Variants in GORAB observed in about 807,000 individuals in gnomAD.
GORAB encodes RAB6-interacting golgin.
GORAB carries 17 observed loss-of-function variants against 29.9 expected under a neutral mutation model. The observed-to-expected ratio is 0.57, with a 90% CI of 0.39 to 0.85. The LOEUF is 0.85. Among genes scored for constraint, GORAB ranks in the 40% least tolerant of loss-of-function variants. GORAB has a pLI of 0.00. For synonymous variants in GORAB, 183 were observed against 157.2 expected (o/e 1.16, Z -1.23); for missense variants, 442 against 437.8 (o/e 1.01, Z -0.09).
At chr1:170,537,171 A>G (rs1289663124) in intron 1 of GORAB, among the ~76,000 whole-genome samples, 3 of 146,934 alleles carry the variant, frequency 2.0e-5, no homozygotes, top group Non-Finnish European at 4.5e-5. Context: ...CTTTTATCCA[A>G]TCTTTACATT....
In GORAB at chr1:170,544,825, C is replaced by T. The variant is rs745905750; in HGVS notation, c.642C>T (p.Ser214=). 1.2e-6 allele frequency: 2 copies of T among 1,613,236 alleles called. No homozygotes were observed. The highest frequency in any genetic ancestry group is 2.2e-5 in the East Asian group (1 of 44,864). The change falls in exon 4 of 5, where the codon AGC becomes AGT. Residue 214 remains serine, a synonymous_variant. Coordinates refer to ENST00000367763, the MANE Select transcript of GORAB (RefSeq NM_152281.3). ...GILRNRIDQA[S]LDYSYARKRF... ...TCAGGAACCGGATTGATCAGGCCAG[C>T]TTAGACTATTCATACGCTCGGTGAG...
chr1:170,553,257 G>A lies in GORAB; in HGVS notation c.*795G>A. ...TACTTGTGATTATCAAAAAAAGTATGTATTTTCTTTCTAAAGTTATCTATA... is the reference window on the plus strand; with the variant it reads ...TACTTGTGATTATCAAAAAAAGTATATATTTTCTTTCTAAAGTTATCTATA... On this transcript the variant is annotated 3_prime_UTR_variant, in exon 5 of 5. Transcript: ENST00000367763. The A allele has an allele frequency of 4.5e-6, 2 of 447,260 alleles. No homozygotes were observed. The highest frequency in any genetic ancestry group is 8.9e-6 in the Non-Finnish European group (2 of 224,722). 27.7% of individuals were successfully genotyped at this position (447,260 alleles called of 1,614,324 possible).
At chr1:170,551,983 T>C in intron 4 of GORAB, 32 bp from the exon 5 acceptor site, 2 of 1,582,900 alleles carry the variant, frequency 1.3e-6, no homozygotes, top group Non-Finnish European at 1.7e-6. Context: ...AATGGAAAAC[T>C]GATGGACCTA....
chr1:170,543,469 G>C (rs1649565738), intron 3 of GORAB, among the ~76,000 whole-genome samples: 1 of 152,136 alleles, frequency 6.6e-6, no homozygotes, highest in African/African-American at 2.4e-5. Flanking sequence ...GAGTAGTTCA[G>C]AATTTTGTCT....
intron 1 of GORAB, among the ~76,000 whole-genome samples, chr1:170,538,783 C>G (rs1371210744): frequency 6.6e-6 from 1 of 152,148 alleles, no homozygotes; most frequent in African/African-American, 2.4e-5. Context: ...AGAGGGTAAT[C>G]CCATTTGAAA....
At chr1:170,532,351 T>C (rs1456437439) in intron 1 of GORAB, 67 bp downstream of exon 1, 1 of 1,557,402 alleles carries the variant, frequency 6.4e-7, no homozygotes, top group African/African-American at 1.4e-5. Flanking sequence ...GATGCAGCTT[T>C]GGCGGGGAAA....
rs767686838 is a variant in GORAB, at chr1:170,539,430, C to G, written c.282C>G (p.Pro94=). 95 of 1,613,974 alleles carry G rather than the reference C, an allele frequency of 5.9e-5. 1 individual carries two copies. In the Admixed American group the frequency reaches 1.5e-3, roughly 26 times the overall value. The change falls in exon 2 of 5, where the codon CCC becomes CCG. Residue 94 remains proline (P), a synonymous_variant. Coordinates refer to ENST00000367763, the MANE Select transcript of GORAB (RefSeq NM_152281.3). ...CGAGTCATTTCACTCTCACCTCCCCCGTTGGTGATGGACAACCACAGGGCA... is the reference window on the plus strand; with the variant it reads ...CGAGTCATTTCACTCTCACCTCCCCGGTTGGTGATGGACAACCACAGGGCA... The part of the protein sequence containing the change: ...TLPSHFTLTS[P]VGDGQPQGIE...
intron 4 of GORAB, among the ~76,000 whole-genome samples, chr1:170,548,874 CTG>C (rs1375638960): frequency 6.6e-6 from 1 of 152,046 alleles, no homozygotes; most frequent in Non-Finnish European, 1.5e-5. Context: ...TTGGACCTCT[CTG>C]GTAATTGCAA....
intron 2 of GORAB, 48 bp downstream of exon 2, chr1:170,539,615 T>G (rs1011568445): frequency 1.3e-6 from 2 of 1,542,276 alleles, no homozygotes; most frequent in Non-Finnish European, 8.7e-7. Flanking sequence ...ATTTAACCCG[T>G]TTTTTCCCAA....
chr1:170,546,682 G>A (rs1649782928), intron 4 of GORAB, among the ~76,000 whole-genome samples: 1 of 151,906 alleles, frequency 6.6e-6, no homozygotes, highest in Non-Finnish European at 1.5e-5. Context: ...CACTATTTTT[G>A]TTTTTATTTT....
chr1:170,534,982 T>C (rs1648966875), intron 1 of GORAB, among the ~76,000 whole-genome samples: 1 of 152,178 alleles, frequency 6.6e-6, no homozygotes, highest in Non-Finnish European at 1.5e-5. Flanking sequence ...TTGTTTAAAA[T>C]AAAGATTTGG....
chr1:170,544,295 A>G (rs1490827185), intron 3 of GORAB, among the ~76,000 whole-genome samples: 3 of 152,214 alleles, frequency 2.0e-5, no homozygotes, highest in African/African-American at 7.2e-5. Flanking sequence ...ATAGACATCT[A>G]TCTGTTCTTA....
At position 170,552,332 on chromosome 1, in the gene GORAB, G is replaced by C. The variant is rs769575681; in HGVS notation, c.980G>C (p.Arg327Thr). ...ACATTAGAATTTGCTAAAGAGAACA[G>C]AAAGTGTCAAGAACAAGCTGTTTCC... ...SVTLEFAKENRKCQEQAVSPK... is the reference protein window; with the variant it reads ...SVTLEFAKENTKCQEQAVSPK... Residue 327 changes from arginine to threonine, a missense_variant, in exon 5 of 5, where the codon AGA (arginine) becomes ACA (threonine). Physicochemically the swap from Arg to Thr is moderately conservative, Grantham distance 71 (BLOSUM62 -1). Transcript: ENST00000367763. 14 of 1,614,032 alleles carry C rather than the reference G, an allele frequency of 8.7e-6. No individual in the cohort carries two copies. The highest frequency in any genetic ancestry group is 6.6e-5 in the South Asian group (6 of 91,088).
At chr1:170,550,378 C>T (rs1650034624) in intron 4 of GORAB, among the ~76,000 whole-genome samples, 1 of 152,108 alleles carries the variant, frequency 6.6e-6, no homozygotes, top group Non-Finnish European at 1.5e-5. Flanking sequence ...GCCATATTGG[C>T]CTGTGAGTAT....
chr1:170,543,030 G>A (rs552819216), intron 3 of GORAB, among the ~76,000 whole-genome samples: 7 of 152,222 alleles, frequency 4.6e-5, no homozygotes, highest in African/African-American at 1.7e-4. Context: ...TTTCCTATGG[G>A]CATTTTTCTT....
chr1:170,545,680 A>G (rs1649713503), intron 4 of GORAB: 1 of 981,358 alleles, frequency 1.0e-6, no homozygotes, highest in Admixed American at 6.1e-5. Context: ...ATGAATCAGA[A>G]TGCCTCATTA....
intron 4 of GORAB, among the ~76,000 whole-genome samples, chr1:170,551,085 A>AG (rs1293789899): frequency 1.3e-5 from 2 of 152,200 alleles, no homozygotes; most frequent in Non-Finnish European, 2.9e-5. Flanking sequence ...AGAGTGTAAG[A>AG]GGAGTAGTGG....
chr1:170,532,382 G>A, intron 1 of GORAB, 98 bp downstream of exon 1: 1 of 1,293,956 alleles, frequency 7.7e-7, no homozygotes, highest in Non-Finnish European at 1.1e-6. Flanking sequence ...AAGCGGCTAC[G>A]TTTGTGTTAG....
At position 170,539,488 on chromosome 1, in the gene GORAB, A is replaced by G. The variant is rs1358853600; in HGVS notation, c.340A>G (p.Asn114Asp). 2.5e-6 allele frequency: 4 copies of G among 1,614,008 alleles called. No homozygotes were observed. The highest frequency in any genetic ancestry group is 3.4e-6 in the Non-Finnish European group (4 of 1,180,002). ...ESQPKELGLENSHDGHNNVEI... is the reference protein window; with the variant it reads ...ESQPKELGLEDSHDGHNNVEI... ...TCAGCCAAAGGAACTGGGACTTGAG[A>G]ATTCCCATGATGGTCACAACAATGT... Residue 114 changes from asparagine to aspartate, a missense_variant, in exon 2 of 5, where the codon AAT becomes GAT. By Grantham distance (23) the Asn-to-Asp change is conservative. Transcript: ENST00000367763.
Sources: allele counts gnomAD v4.1 joint callset (sites outside exome capture counted in the v4.1 genomes callset), GRCh38; gene constraint gnomAD v4.1.1; transcripts MANE v1.5; gene names NCBI Gene and HGNC (gene_info 2026-07-23, HGNC 2026-07-21).